SDF4: variants seen among roughly 807,000 people sequenced by gnomAD.
SDF4 encodes stromal cell derived factor 4, also known as 45 kDa calcium-binding protein.
In SDF4, 22 loss-of-function variants were observed where a neutral mutation model predicts 34.2. The observed-to-expected ratio is 0.64, with a 90% CI of 0.46 to 0.92. SDF4 has a LOEUF of 0.92. SDF4 is among the 40% of genes least tolerant of loss of function. The pLI is 0.00. For missense variants in SDF4, 447 were observed against 499.9 expected (o/e 0.89, Z 1.01); for synonymous variants, 236 against 203.1 (o/e 1.16, Z -1.38).
chr1:1,223,379 G>A (rs1650094001), intron 3 of SDF4, 22 bp from the exon 4 acceptor site: 4 of 1,511,372 alleles, frequency 2.6e-6, no homozygotes, highest in African/African-American at 2.7e-5. Flanking sequence ...GATCACACCT[G>A]TCAGGGCCTC....
chr1:1,220,273 G>T, intron 4 of SDF4: 1 of 1,056,644 alleles, frequency 9.5e-7, no homozygotes, highest in Non-Finnish European at 1.1e-6. Context: ...GTCCCTGTGA[G>T]AAGAGGACGC....
At chr1:1,221,621 G>A (rs1451558505) in intron 4 of SDF4, among the ~76,000 whole-genome samples, 1 of 152,162 alleles carries the variant, frequency 6.6e-6, no homozygotes, top group Admixed American at 6.5e-5. Context: ...CTGGGCAACA[G>A]TGAGGCCCTC....
At chr1:1,219,427 C>G (rs183499481) in intron 4 of SDF4, 1 of 1,016,844 alleles carries the variant, frequency 9.8e-7, no homozygotes, top group Non-Finnish European at 1.2e-6. Flanking sequence ...CCCGCGCCTG[C>G]CCCTCTGGAG....
chr1:1,218,695 C>A lies in SDF4; in HGVS notation c.716-62G>T. ...GGGGCTCCCGCAGGACCTGCCCCGA[C>A]CTCCCGACGATGCCCGGCCCCTGCC... On this transcript the variant is annotated intron_variant, in intron 5 of 6. Coordinates refer to ENST00000360001, the MANE Select transcript of SDF4 (RefSeq NM_016176.6). The surrounding 1 kb of genome is among the most constrained non-coding windows in gnomAD (Gnocchi z 7.9). 1.9e-6 allele frequency: 3 copies of A among 1,611,732 alleles called. No homozygotes were observed. Among genetic ancestry groups the A allele is most frequent in the Non-Finnish European group, 2.5e-6 (3 of 1,178,860 alleles).
intron 4 of SDF4, chr1:1,219,837 C>G: frequency 1.0e-6 from 1 of 985,828 alleles, no homozygotes. Flanking sequence ...CTGCCCTGGC[C>G]GAAGCCCCTG....
intron 2 of SDF4, among the ~76,000 whole-genome samples, chr1:1,228,094 A>G (rs56378990): frequency 0.1 from 15,365 of 152,248 alleles, 936 homozygotes; most frequent in East Asian, 0.17. Flanking sequence ...CTCCTCAGCC[A>G]GGCCTCGTCC....
At chr1:1,224,437 G>A (rs914439216) in intron 2 of SDF4, among the ~76,000 whole-genome samples, 2 of 152,052 alleles carry the variant, frequency 1.3e-5, no homozygotes, top group Non-Finnish European at 2.9e-5. Flanking sequence ...GCACCACCAC[G>A]CCTGGCTAAT....
intron 4 of SDF4, chr1:1,220,455 C>T (rs560324245): frequency 2.3e-5 from 27 of 1,188,078 alleles, no homozygotes; most frequent in South Asian, 3.1e-5. Flanking sequence ...GCAGGAGTGA[C>T]GCCTGCCAGC....
chr1:1,219,242 T>C, intron 4 of SDF4: 2 of 1,000,842 alleles, frequency 2.0e-6, no homozygotes, highest in South Asian at 1.7e-5. Flanking sequence ...TGGATGGCCC[T>C]GACTCCCCAC....
Position 1,224,214 on chromosome 1 carries a change from T to C in SDF4, c.306-246A>G, listed in dbSNP as rs368993215. On this transcript the variant is annotated intron_variant, in intron 2 of 6. Transcript: ENST00000360001. ...CGGGGAAACACATGGACCCTCCCCCTCTGTCACACAGAATCACCACCAGAC... is the reference window on the plus strand; with the variant it reads ...CGGGGAAACACATGGACCCTCCCCCCCTGTCACACAGAATCACCACCAGAC... Among the ~76,000 whole-genome samples the C allele has an allele frequency of 5.9e-5, 9 of 152,222 alleles. No individual in the cohort carries two copies. The East Asian group carries it at 1.5e-3, about 26-fold the overall frequency.
At chr1:1,224,540 A>G (rs1271633182) in intron 2 of SDF4, among the ~76,000 whole-genome samples, 1 of 152,204 alleles carries the variant, frequency 6.6e-6, no homozygotes, top group African/African-American at 2.4e-5. Flanking sequence ...TCAGCCTCCC[A>G]ACGTGCTAGG....
chr1:1,223,259 T>TCC lies in SDF4; in HGVS notation c.540_541insGG (p.Lys181GlyfsTer14). 1 of 1,613,792 alleles carries TCC rather than the reference T, an allele frequency of 6.2e-7. No homozygotes were observed. The highest frequency in any genetic ancestry group is 8.5e-7 in the Non-Finnish European group (1 of 1,179,704). The stretch of plus-strand genomic sequence containing the variant: ...GAGCACTCACTTTCCTCATCCACTT[T>TCC]GAGTTCCTCGTTGAGCCTGATGGCG... On this transcript the variant is annotated frameshift_variant, in exon 4 of 7. Transcript: ENST00000360001. LOFTEE classifies it high-confidence loss of function.
intron 1 of SDF4, among the ~76,000 whole-genome samples, chr1:1,229,961 G>A (rs918831631): frequency 1.1e-4 from 16 of 152,190 alleles, no homozygotes; most frequent in African/African-American, 2.2e-4. Flanking sequence ...GCCCACACTC[G>A]CGAGCGAACG....
At chr1:1,224,064 G>A (rs1650147466) in intron 2 of SDF4, 96 bp from the exon 3 acceptor site, 7 of 1,556,986 alleles carry the variant, frequency 4.5e-6, no homozygotes, top group Admixed American at 3.5e-5. Flanking sequence ...CCATGGCTGC[G>A]TGAACCTGCC....
chr1:1,217,108 A>G lies in SDF4; in HGVS notation c.*404T>C, dbSNP rs540602954. Reference sequence around the variant, plus strand: ...TTTAATCTATTTTTAATAATCGTTCAGTTTTCAAGGAAATGGAGGAGCTGT... The same window carrying G: ...TTTAATCTATTTTTAATAATCGTTCGGTTTTCAAGGAAATGGAGGAGCTGT... On this transcript the variant is annotated 3_prime_UTR_variant, in exon 7 of 7. Transcript: ENST00000360001. This position sits in a 1 kb window ranked among gnomAD's most constrained non-coding sequence, Gnocchi z 8.5. The G allele has an allele frequency of 1.3e-5, 2 of 152,550 alleles. No homozygotes were observed. Among genetic ancestry groups the G allele is most frequent in the South Asian group, 2.1e-4 (1 of 4,824 alleles). 9.4% of individuals were successfully genotyped at this position (152,550 alleles called of 1,614,324 possible).
chr1:1,223,404 ACTTC>A, intron 3 of SDF4, 47 bp from the exon 4 acceptor site: 1 of 1,330,474 alleles, frequency 7.5e-7, no homozygotes, highest in Non-Finnish European at 1.1e-6. Context: ...ACTGAGCTGA[ACTTC>A]CTTCTCAACT....
intron 2 of SDF4, among the ~76,000 whole-genome samples, chr1:1,227,074 C>T (rs975505957): frequency 2.6e-5 from 4 of 152,158 alleles, no homozygotes; most frequent in Non-Finnish European, 5.9e-5. Context: ...CAGCTGGCAC[C>T]GTGCCTCCGT....
chr1:1,227,529 G>A lies in SDF4; in HGVS notation c.305+939C>T, dbSNP rs188527610. ...GGCTGCCTCCTTGTGCCCAGGTCTCGCAGGTCCCAGGAGGCCCAGGGTGTT... is the reference window on the plus strand; with the variant it reads ...GGCTGCCTCCTTGTGCCCAGGTCTCACAGGTCCCAGGAGGCCCAGGGTGTT... On this transcript the variant is annotated intron_variant, in intron 2 of 6. Coordinates refer to ENST00000360001, the MANE Select transcript of SDF4 (RefSeq NM_016176.6). 1.0e-3 allele frequency among the ~76,000 whole-genome samples: 159 copies of A among 152,164 alleles called. 2 individuals are homozygous for A. Among genetic ancestry groups the A allele is most frequent in the African/African-American group, 3.5e-3 (144 of 41,452 alleles).
intron 1 of SDF4, among the ~76,000 whole-genome samples, chr1:1,231,217 G>C (rs558476854): frequency 1.3e-5 from 2 of 152,348 alleles, no homozygotes; most frequent in South Asian, 4.1e-4. Context: ...CAGCACAGCG[G>C]AGCGGGCCGG....
Sources: gnomAD v4.1 joint callset for allele counts (sites outside exome capture counted in the v4.1 genomes callset) on GRCh38, gnomAD v4.1.1 for gene constraint, Gnocchi (gnomAD v3.1) non-coding constraint, MANE v1.5 for transcripts, NCBI Gene and HGNC (gene_info 2026-07-23, HGNC 2026-07-21) for gene names.